NRXN3: variants seen among roughly 807,000 people sequenced by gnomAD.
NRXN3 encodes neurexin 3.
A neutral mutation model predicts 137.6 loss-of-function variants in NRXN3; 32 were observed. That is an observed-to-expected ratio of 0.23 (90% CI 0.18 to 0.31). The LOEUF (loss-of-function observed/expected upper bound fraction) is 0.31, where lower values mean the gene tolerates loss of function less well. Among genes scored for constraint, NRXN3 ranks in the 10% least tolerant of loss-of-function variants. The probability of loss-of-function intolerance (pLI) is 1.00; values close to 1 mark genes in which losing one functional copy is unlikely to be tolerated. For missense variants in NRXN3, 1,574 were observed against 2,062.5 expected, an observed-to-expected ratio of 0.76 and a Z score of 4.59; for synonymous variants, 798 against 784.5, an observed-to-expected ratio of 1.02 and a Z score of -0.29.
chr14:78,474,009 C>T (rs1406070447), intron 4 of NRXN3, among the ~76,000 whole-genome samples: 1 of 152,142 alleles, frequency 6.6e-6, no homozygotes, highest in Non-Finnish European at 1.5e-5. Flanking sequence ...TAGCTCTCAA[C>T]ATTATGGGAG....
chr14:78,691,893 C>T (rs1226707204), intron 6 of NRXN3, among the ~76,000 whole-genome samples: 2 of 151,994 alleles, frequency 1.3e-5, no homozygotes, highest in Non-Finnish European at 2.9e-5. Flanking sequence ...AATTTTCTCC[C>T]TTTATGATGA....
At chr14:79,649,237 T>C (rs1163816188) in intron 16 of NRXN3, among the ~76,000 whole-genome samples, 1 of 152,090 alleles carries the variant, frequency 6.6e-6, no homozygotes, top group Non-Finnish European at 1.5e-5. Context: ...ATGGAAGCTC[T>C]AGCATTGCTT....
chr14:79,666,307 C>T lies in NRXN3; in HGVS notation c.3616+2358C>T, dbSNP rs1388846514. Reference sequence around the variant, plus strand: ...TAGACAACCAGGGTAATGATAATACCTGGTTAATGTGAAGATTAAGTGAGT... The same window carrying T: ...TAGACAACCAGGGTAATGATAATACTTGGTTAATGTGAAGATTAAGTGAGT... On this transcript the variant is annotated intron_variant, in intron 17 of 20. Coordinates refer to ENST00000335750, the MANE Select transcript of NRXN3 (RefSeq NM_001330195.2). 3.9e-5 allele frequency among the ~76,000 whole-genome samples: 6 copies of T among 151,900 alleles called. No individual in the cohort carries two copies. In the East Asian group the frequency reaches 9.7e-4, roughly 25 times the overall value.
intron 4 of NRXN3, among the ~76,000 whole-genome samples, chr14:78,622,714 T>C (rs2097418552): frequency 6.6e-6 from 1 of 152,226 alleles, no homozygotes; most frequent in Non-Finnish European, 1.5e-5. Context: ...GCACTCAGGG[T>C]TAGCAAGTGA....
At chr14:79,090,447 A>G (rs1040759057) in intron 15 of NRXN3, among the ~76,000 whole-genome samples, 8 of 152,122 alleles carry the variant, frequency 5.3e-5, no homozygotes, top group Non-Finnish European at 1.2e-4. Flanking sequence ...TCTTCCAGTT[A>G]CACCCTGGGT....
intron 4 of NRXN3, among the ~76,000 whole-genome samples, chr14:78,444,443 G>C (rs918979943): frequency 6.6e-6 from 1 of 152,114 alleles, no homozygotes; most frequent in African/African-American, 2.4e-5. Context: ...ATCAAGAGGA[G>C]CATCTCATTA....
At chr14:78,446,381 A>G (rs537692494) in intron 4 of NRXN3, among the ~76,000 whole-genome samples, 4 of 150,582 alleles carry the variant, frequency 2.7e-5, no homozygotes, top group Admixed American at 2.6e-4. Context: ...CTGGACACCC[A>G]CTATGTGCTT....
At chr14:79,565,347 G>GTGTGTA (rs1491496752) in intron 16 of NRXN3, among the ~76,000 whole-genome samples, 1 of 146,630 alleles carries the variant, frequency 6.8e-6, no homozygotes, top group Non-Finnish European at 1.5e-5. Flanking sequence ...ACATATGTGT[G>GTGTGTA]CGTATATGTA....
intron 19 of NRXN3, among the ~76,000 whole-genome samples, chr14:79,716,263 C>G (rs558813252): frequency 6.6e-6 from 1 of 152,128 alleles, no homozygotes; most frequent in Non-Finnish European, 1.5e-5. Context: ...GTGCAAGGTT[C>G]CATGGAATGT....
At chr14:78,902,281 G>A (rs1456431243) in intron 10 of NRXN3, among the ~76,000 whole-genome samples, 1 of 152,020 alleles carries the variant, frequency 6.6e-6, no homozygotes, top group Non-Finnish European at 1.5e-5. Context: ...GAAAGGAATA[G>A]TTTCTATATT....
At chr14:78,702,235 C>A (rs1454227625) in intron 6 of NRXN3, among the ~76,000 whole-genome samples, 3 of 151,386 alleles carry the variant, frequency 2.0e-5, no homozygotes, top group African/African-American at 7.3e-5. Flanking sequence ...TCACATTAGG[C>A]AATTAAGTAT....
chr14:79,792,102 C>T (rs1013473544), intron 19 of NRXN3, among the ~76,000 whole-genome samples: 2 of 152,142 alleles, frequency 1.3e-5, no homozygotes, highest in African/African-American at 4.8e-5. Flanking sequence ...TAAGCACTTT[C>T]TTGTGTCTTT....
chr14:78,813,370 G>A (rs942575032), intron 10 of NRXN3, among the ~76,000 whole-genome samples: 2 of 152,140 alleles, frequency 1.3e-5, no homozygotes, highest in Non-Finnish European at 2.9e-5. Context: ...TAGGTGTGCC[G>A]GTCCTTACTC....
At chr14:79,556,075 CATT>C (rs2097426745) in intron 16 of NRXN3, among the ~76,000 whole-genome samples, 1 of 152,120 alleles carries the variant, frequency 6.6e-6, no homozygotes, top group African/African-American at 2.4e-5. Context: ...ACCATTATCA[CATT>C]ATCTACACAG....
intron 4 of NRXN3, among the ~76,000 whole-genome samples, chr14:78,446,605 A>G (rs951719946): frequency 6.6e-6 from 1 of 152,224 alleles, no homozygotes; most frequent in East Asian, 1.9e-4. Flanking sequence ...CACATTTGAT[A>G]GTTTAAGGGT....
At chr14:78,611,156 G>A (rs899477448) in intron 4 of NRXN3, among the ~76,000 whole-genome samples, 7 of 152,074 alleles carry the variant, frequency 4.6e-5, no homozygotes, top group Non-Finnish European at 1.0e-4. Flanking sequence ...GCAGCTAAAT[G>A]CAGCTGCCCC....
intron 4 of NRXN3, among the ~76,000 whole-genome samples, chr14:78,445,929 C>T (rs1055247668): frequency 6.6e-6 from 1 of 152,088 alleles, no homozygotes; most frequent in Non-Finnish European, 1.5e-5. Flanking sequence ...GCTCTTAGTC[C>T]CTTTCCTGCT....
intron 20 of NRXN3, among the ~76,000 whole-genome samples, chr14:79,806,670 C>G (rs536762699): frequency 1.3e-5 from 2 of 150,852 alleles, no homozygotes; most frequent in Admixed American, 1.3e-4. Flanking sequence ...TATTTTTGAG[C>G]ACTCAGGCAG....
At chr14:78,880,049 C>G (rs2099124239) in intron 10 of NRXN3, among the ~76,000 whole-genome samples, 1 of 141,694 alleles carries the variant, frequency 7.1e-6, no homozygotes, top group South Asian at 2.1e-4. Flanking sequence ...ACCATCCCGG[C>G]TAAAACGGTG....
Sources: allele counts gnomAD v4.1 joint callset (sites outside exome capture counted in the v4.1 genomes callset), GRCh38; gene constraint gnomAD v4.1.1; transcripts MANE v1.5; gene names NCBI Gene and HGNC (gene_info 2026-07-23, HGNC 2026-07-21).